The following HCN1 variants were observed in gnomAD, a reference collection of about 807,000 sequenced individuals.
The protein encoded by HCN1 is potassium/sodium hyperpolarization-activated cyclic nucleotide-gated channel 1.
Under a neutral mutation model 78.9 loss-of-function variants are expected in HCN1, and 13 were observed. That is an observed-to-expected ratio of 0.16 (90% CI 0.11 to 0.26). The LOEUF is 0.26. Among genes scored for constraint, HCN1 ranks in the 10% least tolerant of loss-of-function variants. HCN1 has a pLI of 1.00. For synonymous variants in HCN1, 552 were observed against 455.5 expected (o/e 1.21, Z -2.70); for missense variants, 810 against 1,154.3 (o/e 0.70, Z 4.32).
intron 2 of HCN1, among the ~76,000 whole-genome samples, chr5:45,563,802 C>T (rs908277485): frequency 2.0e-5 from 3 of 152,148 alleles, no homozygotes; most frequent in African/African-American, 7.2e-5. Flanking sequence ...TTGTCTAATT[C>T]ACCCAATAAC....
At chr5:45,496,883 A>T (rs1236429929) in intron 2 of HCN1, among the ~76,000 whole-genome samples, 1 of 152,170 alleles carries the variant, frequency 6.6e-6, no homozygotes. Flanking sequence ...AATGTGTCCC[A>T]GAGATTCTGG....
chr5:45,280,785 C>T (rs935346211), intron 6 of HCN1, among the ~76,000 whole-genome samples: 4 of 152,130 alleles, frequency 2.6e-5, no homozygotes, highest in Non-Finnish European at 5.9e-5. Flanking sequence ...GGGACATTTG[C>T]TTTAATTATG....
At chr5:45,355,127 G>A (rs1746983323) in intron 4 of HCN1, among the ~76,000 whole-genome samples, 1 of 151,874 alleles carries the variant, frequency 6.6e-6, no homozygotes, top group South Asian at 2.1e-4. Flanking sequence ...TCTCATTTAT[G>A]AATCAACAAT....
chr5:45,269,965 T>C (rs1484435232), intron 6 of HCN1, among the ~76,000 whole-genome samples: 1 of 152,210 alleles, frequency 6.6e-6, no homozygotes, highest in Admixed American at 6.5e-5. Flanking sequence ...TACATTTAAA[T>C]GCAGGCTACA....
chr5:45,364,505 A>G (rs1244369021), intron 4 of HCN1, among the ~76,000 whole-genome samples: 1 of 151,828 alleles, frequency 6.6e-6, no homozygotes, highest in East Asian at 1.9e-4. Flanking sequence ...TTAAACATCT[A>G]CCCTTACAAC....
chr5:45,336,267 G>A (rs994281167), intron 5 of HCN1, among the ~76,000 whole-genome samples: 1 of 152,030 alleles, frequency 6.6e-6, no homozygotes, highest in African/African-American at 2.4e-5. Flanking sequence ...GTACAGATTA[G>A]AGATAATGAA....
intron 3 of HCN1, among the ~76,000 whole-genome samples, chr5:45,411,507 C>A (rs966049072): frequency 6.6e-6 from 1 of 151,696 alleles, no homozygotes; most frequent in Non-Finnish European, 1.5e-5. Flanking sequence ...GAAAATAAAG[C>A]GAAGCAGGGC....
At chr5:45,274,116 G>C (rs1745008657) in intron 6 of HCN1, among the ~76,000 whole-genome samples, 1 of 152,040 alleles carries the variant, frequency 6.6e-6, no homozygotes, top group South Asian at 2.1e-4. Context: ...TAGATATAAA[G>C]AAGGTATTAT....
chr5:45,563,368 C>T (rs751550031), intron 2 of HCN1, among the ~76,000 whole-genome samples: 5 of 152,012 alleles, frequency 3.3e-5, no homozygotes, highest in South Asian at 2.1e-4. Context: ...AGGAGAATCA[C>T]TTGAACTTGG....
Position 45,601,951 on chromosome 5 carries a change from T to C in HCN1, c.849+43234A>G, listed in dbSNP as rs190296030. Among the ~76,000 whole-genome samples the C allele has an allele frequency of 2.1e-3, 326 of 152,144 alleles. 1 individual carries two copies. Among genetic ancestry groups the C allele is most frequent in the East Asian group, 0.021 (109 of 5,164 alleles). ...TGTGGGAGAGACCAGGTGGAGATAATTGAATCATGGGGGTGGTTTCCCCCA... is the reference window on the plus strand; with the variant it reads ...TGTGGGAGAGACCAGGTGGAGATAACTGAATCATGGGGGTGGTTTCCCCCA... On this transcript the variant is annotated intron_variant, in intron 2 of 7. Transcript: ENST00000303230.
intron 5 of HCN1, among the ~76,000 whole-genome samples, chr5:45,310,127 C>A (rs1000499885): frequency 2.0e-5 from 3 of 152,004 alleles, no homozygotes; most frequent in Non-Finnish European, 1.5e-5. Context: ...ATAATGAAGA[C>A]CCCAAAAGCA....
intron 4 of HCN1, among the ~76,000 whole-genome samples, chr5:45,372,075 TATATA>T (rs1221508555): frequency 3.3e-5 from 2 of 60,276 alleles, no homozygotes; most frequent in African/African-American, 1.6e-4. Context: ...TTATATATTA[TATATA>T]ATATAATTAT....
chr5:45,315,547 C>T (rs1274363708), intron 5 of HCN1, among the ~76,000 whole-genome samples: 7 of 151,882 alleles, frequency 4.6e-5, no homozygotes, highest in Non-Finnish European at 5.9e-5. Context: ...TAGCAGAAGG[C>T]AAGAAATAAC....
intron 2 of HCN1, among the ~76,000 whole-genome samples, chr5:45,492,406 T>C (rs1368751024): frequency 6.2e-5 from 9 of 144,896 alleles, no homozygotes; most frequent in African/African-American, 2.3e-4. Context: ...TATATATATA[T>C]ATATATATAT....
At chr5:45,607,788 T>C (rs1341316701) in intron 2 of HCN1, among the ~76,000 whole-genome samples, 2 of 151,630 alleles carry the variant, frequency 1.3e-5, no homozygotes, top group East Asian at 1.9e-4. Flanking sequence ...ATAATATTGA[T>C]GGGATAATAT....
chr5:45,633,770 T>C (rs180850737), intron 2 of HCN1, among the ~76,000 whole-genome samples: 4 of 152,114 alleles, frequency 2.6e-5, no homozygotes, highest in Non-Finnish European at 4.4e-5. Context: ...AGCTAGTATA[T>C]AATTACATAT....
chr5:45,549,526 C>G (rs1163746943), intron 2 of HCN1, among the ~76,000 whole-genome samples: 2 of 152,124 alleles, frequency 1.3e-5, no homozygotes, highest in Admixed American at 1.3e-4. Context: ...AAATGTTAGA[C>G]CTAAAACCAT....
In HCN1 at chr5:45,653,258, C is replaced by T. The variant is rs115632820; in HGVS notation, c.426-7650G>A. Among the ~76,000 whole-genome samples the T allele has an allele frequency of 4.2e-3, 634 of 152,170 alleles. 4 individuals are homozygous for T. Among genetic ancestry groups the T allele is most frequent in the Non-Finnish European group, 6.3e-3 (429 of 67,974 alleles). ...AGTCAAATAAATTCCAGTTCCTTCA[C>T]AGAACTCCCTTTCACCTGATCTCTA... On this transcript the variant is annotated intron_variant, in intron 1 of 7. Coordinates refer to ENST00000303230, the MANE Select transcript of HCN1 (RefSeq NM_021072.4).
intron 7 of HCN1, among the ~76,000 whole-genome samples, chr5:45,263,285 G>A (rs1312999272): frequency 6.6e-6 from 1 of 152,126 alleles, no homozygotes; most frequent in African/African-American, 2.4e-5. Context: ...TCAGATAGGT[G>A]TGTTCATAAT....
Sources: allele counts gnomAD v4.1 joint callset (sites outside exome capture counted in the v4.1 genomes callset), GRCh38; gene constraint gnomAD v4.1.1; transcripts MANE v1.5; gene names NCBI Gene and HGNC (gene_info 2026-07-23, HGNC 2026-07-21).